CHRNA3: variants seen among roughly 807,000 people sequenced by gnomAD.
The protein encoded by CHRNA3 is neuronal acetylcholine receptor subunit alpha-3.
CHRNA3 carries 34 observed loss-of-function variants against 41.9 expected under a neutral mutation model. That is an observed-to-expected ratio of 0.81 (90% CI 0.62 to 1.08). The LOEUF is 1.08. CHRNA3 is among the 50% of genes least tolerant of loss of function. The probability of loss-of-function intolerance (pLI) is 0.00; values close to 1 mark genes in which losing one functional copy is unlikely to be tolerated. For synonymous variants in CHRNA3, 281 were observed against 265.2 expected (o/e 1.06, Z -0.58); for missense variants, 542 against 638.3 (o/e 0.85, Z 1.63).
chr15:78,599,764 C>G, intron 5 of CHRNA3: 1 of 149,008 alleles, frequency 6.7e-6, no homozygotes, highest in Non-Finnish European at 1.5e-5. Context: ...ACCTTTAATC[C>G]TAGCACTTTG....
intron 5 of CHRNA3, among the ~76,000 whole-genome samples, chr15:78,598,751 G>T (rs1223252707): frequency 1.3e-5 from 2 of 152,010 alleles, no homozygotes; most frequent in Non-Finnish European, 2.9e-5. Context: ...GGCCAGGCTG[G>T]TCTCAAACTC....
chr15:78,604,561 G>C (rs929770025), intron 4 of CHRNA3, among the ~76,000 whole-genome samples: 2 of 152,200 alleles, frequency 1.3e-5, no homozygotes, highest in African/African-American at 2.4e-5. Flanking sequence ...TGTCCACCCA[G>C]ATCAGAAGGC....
chr15:78,597,017 T>C (rs1045836268), intron 5 of CHRNA3, among the ~76,000 whole-genome samples: 13 of 152,244 alleles, frequency 8.5e-5, no homozygotes, highest in Non-Finnish European at 1.6e-4. Context: ...TGAATTCCAA[T>C]TTTATAAAGT....
At chr15:78,593,405 TTTGA>T (rs2053044360), downstream of CHRNA3, 1 of 667,150 alleles carries the variant, frequency 1.5e-6, no homozygotes, top group African/African-American at 1.8e-5. Flanking sequence ...AGATGATCCA[TTTGA>T]ACAGTTGGCT....
intron 5 of CHRNA3, among the ~76,000 whole-genome samples, chr15:78,597,165 G>A (rs1158279341): frequency 5.3e-5 from 8 of 152,128 alleles, no homozygotes; most frequent in East Asian, 3.8e-4. Flanking sequence ...AGTGGCTCAC[G>A]CCTGTAATCC....
intron 4 of CHRNA3, among the ~76,000 whole-genome samples, chr15:78,616,486 G>A (rs1165209078): frequency 6.6e-6 from 1 of 151,940 alleles, no homozygotes; most frequent in African/African-American, 2.4e-5. Context: ...CAAAGACAAG[G>A]TGAGGAGGGA....
intron 4 of CHRNA3, among the ~76,000 whole-genome samples, chr15:78,616,052 A>T (rs998291640): frequency 1.5e-5 from 2 of 137,824 alleles, no homozygotes; most frequent in African/African-American, 5.3e-5. Flanking sequence ...AAACACCTGT[A>T]TTTTTAAAAA....
At chr15:78,618,587 G>A (rs755525206) in intron 3 of CHRNA3, 30 bp downstream of exon 3, 4 of 1,613,488 alleles carry the variant, frequency 2.5e-6, no homozygotes, top group East Asian at 2.2e-5. Context: ...ACCACCAGGG[G>A]GCAGCAGTGC....
chr15:78,595,292 C>T, downstream of CHRNA3: 1 of 985,218 alleles, frequency 1.0e-6, no homozygotes, highest in Non-Finnish European at 1.2e-6. Flanking sequence ...CTTATTGAAA[C>T]ATGAGTCACA....
chr15:78,606,662 G>A (rs903477349), intron 4 of CHRNA3, among the ~76,000 whole-genome samples: 7 of 152,050 alleles, frequency 4.6e-5, no homozygotes, highest in Non-Finnish European at 5.9e-5. Flanking sequence ...TTGGGAGGCC[G>A]AGGTGAGTGG....
chr15:78,613,711 A>T (rs1402399861), intron 4 of CHRNA3, among the ~76,000 whole-genome samples: 2 of 151,482 alleles, frequency 1.3e-5, no homozygotes, highest in African/African-American at 4.8e-5. Flanking sequence ...CCTAAAACTT[A>T]AAGTATAATA....
intron 4 of CHRNA3, among the ~76,000 whole-genome samples, chr15:78,602,487 C>T (rs549392913): frequency 1.1e-4 from 16 of 152,322 alleles, no homozygotes; most frequent in Non-Finnish European, 2.1e-4. Context: ...GGATCACTCC[C>T]TGCCCCAGGG....
intron 4 of CHRNA3, among the ~76,000 whole-genome samples, chr15:78,602,489 G>GC (rs991570414): frequency 1.2e-4 from 18 of 152,260 alleles, no homozygotes; most frequent in Non-Finnish European, 2.5e-4. Flanking sequence ...ATCACTCCCT[G>GC]CCCCAGGGCA....
Position 78,620,750 on chromosome 15 carries a change from C to A in CHRNA3, c.45G>T (p.Pro15=). Residue 15 remains proline (P), a synonymous_variant, in exon 1 of 6, where the codon CCG becomes CCT. Transcript: ENST00000326828. The stretch of plus-strand genomic sequence containing the variant: ...ACAGCAGCAGCAGCAGCAGCAGCCG[C>A]GGCGGCGACAGCGCCAGGGGCAGCG... ...PLSLPLALSP[P]RLLLLLLLSL... The A allele has an allele frequency of 3.3e-6, 5 of 1,498,900 alleles. No individual in the cohort carries two copies. The highest frequency in any genetic ancestry group is 3.5e-6 in the Non-Finnish European group (4 of 1,130,910). The allele number at this position is 1,498,900 out of a possible 1,614,324, so 92.9% of individuals were successfully genotyped here.
Position 78,596,476 on chromosome 15 carries a change from A to AT in CHRNA3, c.*127dup. 1 of 1,330,216 alleles carries AT rather than the reference A, an allele frequency of 7.5e-7. No homozygotes were observed. 82.4% of individuals were successfully genotyped at this position (1,330,216 alleles called of 1,614,324 possible). Reference sequence around the variant, plus strand: ...TGCATGATTCCAAGATAAGTGGAAAATAAGTAAACCTCGAAATGCCAAAAA... The same window carrying AT: ...TGCATGATTCCAAGATAAGTGGAAAATTAAGTAAACCTCGAAATGCCAAAAA... On this transcript the variant is annotated 3_prime_UTR_variant, in exon 6 of 6. Transcript: ENST00000326828.
chr15:78,602,270 A>C lies in CHRNA3; in HGVS notation c.378-6T>G. The C allele has an allele frequency of 1.2e-6, 2 of 1,612,032 alleles. No homozygotes were observed. The highest frequency in any genetic ancestry group is 1.7e-6 in the Non-Finnish European group (2 of 1,178,610). ...CCTGGAAATCCCCAACAGCACTGCAAAGACAAAGAGGGGGCACAGTGACAC... is the reference window on the plus strand; with the variant it reads ...CCTGGAAATCCCCAACAGCACTGCACAGACAAAGAGGGGGCACAGTGACAC... On this transcript the variant is annotated splice_polypyrimidine_tract_variant and splice_region_variant and intron_variant, in intron 4 of 5. Transcript: ENST00000326828.
chr15:78,605,643 C>G (rs2053272543), intron 4 of CHRNA3, among the ~76,000 whole-genome samples: 1 of 152,192 alleles, frequency 6.6e-6, no homozygotes, highest in Non-Finnish European at 1.5e-5. Context: ...AGAGGTCAGT[C>G]AGTGCTGACG....
intron 3 of CHRNA3, among the ~76,000 whole-genome samples, chr15:78,617,407 C>T (rs897229509): frequency 2.0e-5 from 3 of 152,164 alleles, no homozygotes; most frequent in Non-Finnish European, 4.4e-5. Flanking sequence ...AGGGCCTACT[C>T]GTGCTTTCTC....
At position 78,613,517 on chromosome 15, in the gene CHRNA3, C is replaced by T. The variant is rs2053412724; in HGVS notation, c.377+3507G>A. On this transcript the variant is annotated intron_variant, in intron 4 of 5. Transcript: ENST00000326828. ...TTATCACTCATAGGTGGGAATTGAA[C>T]AATGAGAACACATGGACACAGGAAG... Among the ~76,000 whole-genome samples the T allele has an allele frequency of 2.2e-5, 3 of 137,114 alleles. No homozygotes were observed. In the South Asian group the frequency reaches 6.9e-4, roughly 31 times the overall value. 90.0% of individuals were successfully genotyped at this position (137,114 alleles called of 152,430 possible). A position where few individuals can be genotyped will look rare whatever the true frequency, so the allele number is the denominator to read the frequency against.
Sources: gnomAD v4.1 joint callset for allele counts (sites outside exome capture counted in the v4.1 genomes callset) on GRCh38, gnomAD v4.1.1 for gene constraint, MANE v1.5 for transcripts, NCBI Gene and HGNC (gene_info 2026-07-23, HGNC 2026-07-21) for gene names.